Variants in SLC9A7 observed in about 807,000 individuals in gnomAD.
SLC9A7 encodes the protein solute carrier family 9 member A7, also known as sodium/hydrogen exchanger 7.
In SLC9A7, 19 loss-of-function variants were observed where a neutral mutation model predicts 52.6. That is an observed-to-expected ratio of 0.36 (90% CI 0.25 to 0.53). The LOEUF (loss-of-function observed/expected upper bound fraction) is 0.53, where lower values mean the gene tolerates loss of function less well. Among genes scored for constraint, SLC9A7 ranks in the 20% least tolerant of loss-of-function variants. The probability of loss-of-function intolerance (pLI) is 0.91; values close to 1 mark genes in which losing one functional copy is unlikely to be tolerated. For synonymous variants in SLC9A7, 226 were observed against 252.1 expected, an observed-to-expected ratio of 0.90 and a Z score of 0.98; for missense variants, 455 against 597.9, an observed-to-expected ratio of 0.76 and a Z score of 2.49.
At chrX:46,696,130 C>T (rs996587393) in intron 1 of SLC9A7, among the ~76,000 whole-genome samples, 4 of 110,016 alleles carry the variant, frequency 3.6e-5, no homozygotes, top group Admixed American at 2.9e-4. Context: ...GGATTACAGG[C>T]GCCCGCCACC....
intron 1 of SLC9A7, among the ~76,000 whole-genome samples, chrX:46,708,402 T>C (rs1944636659): frequency 9.1e-6 from 1 of 110,045 alleles, no homozygotes; most frequent in African/African-American, 3.3e-5. Flanking sequence ...TGGTGGCGGG[T>C]GCCTGTAATC....
intron 1 of SLC9A7, among the ~76,000 whole-genome samples, chrX:46,742,172 A>G (rs1921398433): frequency 8.9e-6 from 1 of 111,866 alleles, no homozygotes; most frequent in African/African-American, 3.2e-5. Context: ...ATGTTGCTAG[A>G]TGGAATGTAC....
chrX:46,624,902 A>G (rs1003550774), intron 14 of SLC9A7, among the ~76,000 whole-genome samples: 4 of 111,988 alleles, frequency 3.6e-5, no homozygotes, highest in African/African-American at 6.5e-5. Context: ...TTCATTAAGC[A>G]CCTACTATGT....
intron 13 of SLC9A7, among the ~76,000 whole-genome samples, chrX:46,632,586 A>G (rs1211012548): frequency 4.5e-5 from 5 of 110,481 alleles, no homozygotes; most frequent in African/African-American, 1.3e-4. Context: ...CAAGAATCCT[A>G]TTGGGTCAGT....
Position 46,758,983 on chromosome X carries a change from C to T in SLC9A7, c.47G>A (p.Gly16Glu). ...CAGCAGCAGCCGCGGCGGCGGCGCC[C>T]CGGTAGCCCGACCCGAGCCAGGGCG... ...AARPGSGRAT[G>E]APPPRLLLLP... is the part of the protein sequence containing the mutation. The change falls in exon 1 of 17, where the codon GGG becomes GAG. Residue 16 changes from glycine to glutamate, a missense_variant. Around this residue, in one of 3 missense-constraint regions of SLC9A7, gnomAD observed 304 missense variants for 417.8 expected, o/e 0.73. Transcript: ENST00000616978. The T allele has an allele frequency of 2.0e-6, 2 of 1,022,946 alleles. No homozygotes were observed. The highest frequency in any genetic ancestry group is 2.5e-6 in the Non-Finnish European group (2 of 809,308). The allele number at this position is 1,022,946 out of a possible 1,213,427, so 84.3% of individuals were successfully genotyped here. A position where few individuals can be genotyped will look rare whatever the true frequency, so the allele number is the denominator to read the frequency against.
At chrX:46,648,623 T>C in intron 11 of SLC9A7, 63 bp downstream of exon 11, 5 of 861,397 alleles carry the variant, frequency 5.8e-6, no homozygotes, top group Non-Finnish European at 8.5e-6. Context: ...TCAATTACAT[T>C]TTAATCATAT....
At chrX:46,746,011 C>T (rs949232191) in intron 1 of SLC9A7, among the ~76,000 whole-genome samples, 1 of 109,641 alleles carries the variant, frequency 9.1e-6, no homozygotes, top group African/African-American at 3.3e-5. Context: ...AAATGTACTA[C>T]AGCAAAGGAA....
chrX:46,697,772 T>C (rs1391108036), intron 1 of SLC9A7, among the ~76,000 whole-genome samples: 1 of 112,219 alleles, frequency 8.9e-6, no homozygotes, highest in Non-Finnish European at 1.9e-5. Context: ...AGAGAAAACC[T>C]TAAACTCTGA....
intron 1 of SLC9A7, among the ~76,000 whole-genome samples, chrX:46,743,841 T>C (rs1307146511): frequency 9.0e-6 from 1 of 111,448 alleles, no homozygotes; most frequent in East Asian, 2.8e-4. Flanking sequence ...TCCCAAGCAG[T>C]GCCACATTCA....
chrX:46,640,864 A>G (rs2146750828), intron 12 of SLC9A7, among the ~76,000 whole-genome samples: 1 of 112,457 alleles, frequency 8.9e-6, no homozygotes, highest in African/African-American at 3.2e-5. Flanking sequence ...GAACAGCTGA[A>G]ATGAAATACC....
chrX:46,725,667 T>C, intron 1 of SLC9A7: 1 of 1,192,727 alleles, frequency 8.4e-7, no homozygotes, highest in East Asian at 3.0e-5. Context: ...CTCTCTCATC[T>C]TCTTGATCTG....
intron 1 of SLC9A7, among the ~76,000 whole-genome samples, chrX:46,699,563 C>T (rs1480472344): frequency 9.0e-6 from 1 of 111,358 alleles, no homozygotes; most frequent in African/African-American, 3.3e-5. Flanking sequence ...GTCCCAGGAC[C>T]TGGAGGGATT....
intron 1 of SLC9A7, among the ~76,000 whole-genome samples, chrX:46,741,168 T>A (rs955157328): frequency 8.9e-6 from 1 of 111,994 alleles, no homozygotes; most frequent in Non-Finnish European, 1.9e-5. Context: ...ATAATGATCA[T>A]GGATCAGAAA....
At chrX:46,717,659 T>G (rs764407141) in intron 1 of SLC9A7, among the ~76,000 whole-genome samples, 25 of 111,725 alleles carry the variant, frequency 2.2e-4, no homozygotes, top group Non-Finnish European at 4.1e-4. Flanking sequence ...GGATTACAGG[T>G]GTGAGCCACC....
At chrX:46,707,564 C>T (rs919962646) in intron 1 of SLC9A7, among the ~76,000 whole-genome samples, 2 of 112,117 alleles carry the variant, frequency 1.8e-5, no homozygotes, top group African/African-American at 6.5e-5. Context: ...CAAAATGTGG[C>T]CACAAAACAG....
chrX:46,688,527 G>A (rs1200585195), intron 1 of SLC9A7, among the ~76,000 whole-genome samples: 2 of 108,548 alleles, frequency 1.8e-5, no homozygotes, highest in African/African-American at 6.7e-5. Context: ...AACCTGGGAG[G>A]TGGAGGTTAC....
At chrX:46,653,866 TTAAG>T in intron 7 of SLC9A7, 152 bp from the exon 8 acceptor site, 1 of 406,138 alleles carries the variant, frequency 2.5e-6, no homozygotes, top group Non-Finnish European at 4.3e-6. Flanking sequence ...TGGAGATTTC[TTAAG>T]TAATACAAAT....
At chrX:46,672,752 A>AGTTGTT in intron 3 of SLC9A7, 125 bp from the exon 4 acceptor site, 1 of 479,378 alleles carries the variant, frequency 2.1e-6, no homozygotes, top group Non-Finnish European at 3.5e-6. Flanking sequence ...ATCAAGTAAC[A>AGTTGTT]ACTGAAGTTA....
At position 46,682,408 on chromosome X, in the gene SLC9A7, G is replaced by A. The variant is rs150021337; in HGVS notation, c.453C>T (p.Phe151=). ...TLLVNVSGKF[F]EYTLKGEISP... is the part of the protein sequence containing the mutation. ...TGATTTCTCCTTTCAGAGTGTATTC[G>A]AAGAACTTTCCGCTGACATTCACTA... The change falls in exon 2 of 17, where the codon TTC becomes TTT. Residue 151 remains phenylalanine (F), a synonymous_variant. Coordinates refer to ENST00000616978, the MANE Select transcript of SLC9A7 (RefSeq NM_001257291.2). The A allele has an allele frequency of 2.9e-5, 35 of 1,209,215 alleles. No individual in the cohort carries two copies. Among genetic ancestry groups the A allele is most frequent in the Non-Finnish European group, 3.8e-5 (34 of 894,869 alleles).
Sources: allele counts gnomAD v4.1 joint callset (sites outside exome capture counted in the v4.1 genomes callset), GRCh38; gene constraint gnomAD v4.1.1; regional missense constraint gnomAD v4.1.1; transcripts MANE v1.5; gene names NCBI Gene and HGNC (gene_info 2026-07-23, HGNC 2026-07-21).